Variants in EPHB1 observed in about 807,000 individuals in gnomAD.
EPHB1 encodes ephrin type-B receptor 1.
A neutral mutation model predicts 94.4 loss-of-function variants in EPHB1; 30 were observed. The ratio of observed to expected loss-of-function variants is 0.32; its 90% CI spans 0.24 to 0.43. The LOEUF is 0.43. Ranked by LOEUF, EPHB1 falls within the 20% of genes least tolerant of loss-of-function variation. The pLI, the probability that EPHB1 is intolerant of heterozygous loss-of-function variation, is 1.00. For missense variants in EPHB1, 1,055 were observed against 1,308.3 expected (o/e 0.81, Z 2.99); for synonymous variants, 522 against 489.1 (o/e 1.07, Z -0.89).
At chr3:134,894,601 G>C (rs1021373940) in intron 1 of EPHB1, among the ~76,000 whole-genome samples, 18 of 152,180 alleles carry the variant, frequency 1.2e-4, no homozygotes, top group African/African-American at 4.3e-4. Context: ...TCTGACAAGT[G>C]AAAGAGGGCT....
intron 6 of EPHB1, among the ~76,000 whole-genome samples, chr3:135,159,275 A>G (rs1045910588): frequency 6.6e-6 from 1 of 152,234 alleles, no homozygotes; most frequent in Non-Finnish European, 1.5e-5. Context: ...AAGAACTAAT[A>G]TTCATTTTAA....
At chr3:135,215,835 A>G (rs1943138460) in intron 12 of EPHB1, among the ~76,000 whole-genome samples, 1 of 152,180 alleles carries the variant, frequency 6.6e-6, no homozygotes, top group African/African-American at 2.4e-5. Flanking sequence ...GAGTTCCCAG[A>G]TGATGCCGAT....
At chr3:134,926,976 TC>T (rs2107702898) in intron 2 of EPHB1, among the ~76,000 whole-genome samples, 1 of 152,268 alleles carries the variant, frequency 6.6e-6, no homozygotes, top group Admixed American at 6.5e-5. Flanking sequence ...GATGTTCATG[TC>T]CCTGGCTTGG....
chr3:135,046,706 TAAC>T (rs1399714283), intron 3 of EPHB1, among the ~76,000 whole-genome samples: 1 of 152,212 alleles, frequency 6.6e-6, no homozygotes. Flanking sequence ...ATCTGTGTCT[TAAC>T]AAGCTCTCCA....
At chr3:134,887,324 G>C (rs1045498131) in intron 1 of EPHB1, among the ~76,000 whole-genome samples, 2 of 152,218 alleles carry the variant, frequency 1.3e-5, no homozygotes, top group East Asian at 3.8e-4. Context: ...ACTGGAAGCT[G>C]TCAGGTCTCG....
chr3:135,219,512 C>G (rs1401115081), intron 12 of EPHB1, among the ~76,000 whole-genome samples: 1 of 151,978 alleles, frequency 6.6e-6, no homozygotes. Context: ...ACACCAGAAA[C>G]TAGAAGGAGC....
chr3:135,189,651 G>T (rs1251557515), intron 10 of EPHB1, among the ~76,000 whole-genome samples: 4 of 152,320 alleles, frequency 2.6e-5, no homozygotes, highest in South Asian at 4.1e-4. Flanking sequence ...TGAGGCCCAG[G>T]CCTCTGGACT....
intron 1 of EPHB1, chr3:134,840,669 G>T (rs2108296401): frequency 6.6e-6 from 1 of 152,334 alleles, no homozygotes; most frequent in South Asian, 2.1e-4. Flanking sequence ...TTATGAAGTT[G>T]TTTGAGTCAG....
At position 135,119,814 on chromosome 3, in the gene EPHB1, C is replaced by A. The variant is rs866830793; in HGVS notation, c.962-12900C>A. On this transcript the variant is annotated intron_variant, in intron 4 of 15. Transcript: ENST00000398015. ...GTTTAGTTCCTTCTTCCATCTGGAACTTTATTTTGCATAGGATGTGATATC... is the reference window on the plus strand; with the variant it reads ...GTTTAGTTCCTTCTTCCATCTGGAAATTTATTTTGCATAGGATGTGATATC... Among the ~76,000 whole-genome samples, 6 of 152,178 alleles carry A rather than the reference C, an allele frequency of 3.9e-5. No homozygotes were observed. The South Asian group carries it at 1.2e-3, about 32-fold the overall frequency.
chr3:134,905,643 C>A lies in EPHB1; in HGVS notation c.59-20173C>A, dbSNP rs557637109. Among the ~76,000 whole-genome samples, 295 of 152,298 alleles carry A rather than the reference C, an allele frequency of 1.9e-3. 1 individual carries two copies. The highest frequency in any genetic ancestry group is 6.9e-3 in the African/African-American group (287 of 41,556). On this transcript the variant is annotated intron_variant, in intron 1 of 15. Coordinates refer to ENST00000398015, the MANE Select transcript of EPHB1 (RefSeq NM_004441.5). ...GTTTTACAAGGGCCAGTCAGTGTGG[C>A]CTGTGGAGTACACCACACTTCTGGC...
intron 5 of EPHB1, among the ~76,000 whole-genome samples, chr3:135,149,091 C>T (rs1501204): frequency 0.99 from 150,743 of 152,318 alleles, 74,604 homozygotes; most frequent in East Asian, 1. Context: ...TTGGATTTAC[C>T]GGGCACTGCC....
chr3:135,140,431 A>G (rs1940780041), intron 5 of EPHB1, among the ~76,000 whole-genome samples: 1 of 152,246 alleles, frequency 6.6e-6, no homozygotes, highest in African/African-American at 2.4e-5. Context: ...CAATCAATAA[A>G]CGTTCATTGA....
At chr3:135,169,580 A>C (rs1226816380) in intron 9 of EPHB1, among the ~76,000 whole-genome samples, 1 of 152,220 alleles carries the variant, frequency 6.6e-6, no homozygotes, top group Non-Finnish European at 1.5e-5. Flanking sequence ...TCATGGTCAA[A>C]GGAATGTAGA....
At chr3:135,035,054 C>T (rs999825509) in intron 3 of EPHB1, among the ~76,000 whole-genome samples, 1 of 152,224 alleles carries the variant, frequency 6.6e-6, no homozygotes, top group African/African-American at 2.4e-5. Flanking sequence ...CTTCCTACTG[C>T]CAGCTCATAG....
chr3:134,926,969 G>C (rs2038804167), intron 2 of EPHB1, among the ~76,000 whole-genome samples: 1 of 152,184 alleles, frequency 6.6e-6, no homozygotes, highest in South Asian at 2.1e-4. Flanking sequence ...TGGAGATGAT[G>C]TTCATGTCCC....
intron 12 of EPHB1, among the ~76,000 whole-genome samples, chr3:135,224,644 C>T (rs778242091): frequency 6.6e-6 from 1 of 152,178 alleles, no homozygotes; most frequent in African/African-American, 2.4e-5. Context: ...CACCTCACTG[C>T]CCCCCAATTT....
chr3:135,063,852 CA>C (rs1230395691), intron 3 of EPHB1, among the ~76,000 whole-genome samples: 1 of 151,950 alleles, frequency 6.6e-6, no homozygotes, highest in Non-Finnish European at 1.5e-5. Context: ...GCTTTTATTA[CA>C]TTGAGGTGTG....
intron 3 of EPHB1, among the ~76,000 whole-genome samples, chr3:135,004,629 C>T (rs1289419074): frequency 6.6e-6 from 1 of 151,812 alleles, no homozygotes; most frequent in Admixed American, 6.6e-5. Context: ...TTCACATAGT[C>T]CCATATTTCT....
chr3:135,125,278 T>C (rs1368467025), intron 4 of EPHB1, among the ~76,000 whole-genome samples: 1 of 151,638 alleles, frequency 6.6e-6, no homozygotes, highest in Non-Finnish European at 1.5e-5. Context: ...ACCACTGACC[T>C]CTGTTATTGG....
Sources: allele counts gnomAD v4.1 joint callset (sites outside exome capture counted in the v4.1 genomes callset), GRCh38; gene constraint gnomAD v4.1.1; transcripts MANE v1.5; gene names NCBI Gene and HGNC (gene_info 2026-07-23, HGNC 2026-07-21).